Variants in LINGO2 observed in about 807,000 individuals in gnomAD.
The protein encoded by LINGO2 is leucine-rich repeat and immunoglobulin-like domain-containing nogo receptor-interacting protein 2.
A neutral mutation model predicts 30.6 loss-of-function variants in LINGO2; 14 were observed. The ratio of observed to expected loss-of-function variants is 0.46; its 90% CI spans 0.30 to 0.72. The LOEUF (loss-of-function observed/expected upper bound fraction) is 0.72. Ranked by LOEUF, LINGO2 falls within the 30% of genes least tolerant of loss-of-function variation. The pLI is 0.07. For synonymous variants in LINGO2, 317 were observed against 288.5 expected, an observed-to-expected ratio of 1.10 and a Z score of -1.00; for missense variants, 729 against 751.7, an observed-to-expected ratio of 0.97 and a Z score of 0.35.
At position 28,038,360 on chromosome 9, in the gene LINGO2, A is replaced by G. The variant is rs911621926; in HGVS notation, c.-86-25955T>C. ...TTGGGAACATATATTATACAACATT[A>G]TAGAGACGTGCACCTGCTCATATTC... On this transcript the variant is annotated intron_variant, in intron 4 of 5. Transcript: ENST00000379992. Among the ~76,000 whole-genome samples the G allele has an allele frequency of 3.3e-5, 5 of 152,206 alleles. 1 individual carries two copies. The East Asian group carries it at 9.6e-4, about 29-fold the overall frequency.
chr9:28,327,076 G>T (rs536548457), intron 3 of LINGO2, among the ~76,000 whole-genome samples: 1 of 152,234 alleles, frequency 6.6e-6, no homozygotes, highest in Non-Finnish European at 1.5e-5. Context: ...TCATGAATGG[G>T]ATTAGTACCA....
chr9:28,903,810 A>T, the LINGO2 span, among the ~76,000 whole-genome samples: 1 of 152,096 alleles, frequency 6.6e-6, no homozygotes, highest in Non-Finnish European at 1.5e-5. Context: ...AATAATACCA[A>T]TCCTTCTCCA....
At chr9:28,836,905 A>G in the LINGO2 span, among the ~76,000 whole-genome samples, 1 of 152,222 alleles carries the variant, frequency 6.6e-6, no homozygotes, top group African/African-American at 2.4e-5. Context: ...TTGCAATTCT[A>G]TTTAATATGC....
At chr9:29,057,714 G>A in the LINGO2 span, among the ~76,000 whole-genome samples, 2 of 152,192 alleles carry the variant, frequency 1.3e-5, no homozygotes, top group African/African-American at 2.4e-5. Flanking sequence ...ATACTTAATT[G>A]AGCATGCATC....
At chr9:28,505,851 A>G (rs1424551340) in intron 1 of LINGO2, among the ~76,000 whole-genome samples, 2 of 151,834 alleles carry the variant, frequency 1.3e-5, no homozygotes, top group African/African-American at 4.8e-5. Context: ...GGGGAGTGGG[A>G]GTCATGTGTT....
chr9:28,700,853 A>T, the LINGO2 span, among the ~76,000 whole-genome samples: 1 of 152,064 alleles, frequency 6.6e-6, no homozygotes, highest in Non-Finnish European at 1.5e-5. Context: ...TCTAATAGGT[A>T]TGTAGTGGTA....
At chr9:28,684,159 G>A in the LINGO2 span, among the ~76,000 whole-genome samples, 2 of 109,238 alleles carry the variant, frequency 1.8e-5, no homozygotes, top group African/African-American at 3.1e-5. Context: ...TTTAGACCAG[G>A]TTTTAAAATG....
chr9:29,038,530 T>C, the LINGO2 span, among the ~76,000 whole-genome samples: 1 of 152,032 alleles, frequency 6.6e-6, no homozygotes, highest in Non-Finnish European at 1.5e-5. Flanking sequence ...TAACAGAATT[T>C]GCTGATATAG....
At chr9:28,962,291 A>G in the LINGO2 span, among the ~76,000 whole-genome samples, 1 of 152,130 alleles carries the variant, frequency 6.6e-6, no homozygotes, top group Non-Finnish European at 1.5e-5. Flanking sequence ...ACAGTTTACT[A>G]AAAAGGGAAC....
At chr9:28,635,696 CA>C (rs1827229244) in intron 1 of LINGO2, among the ~76,000 whole-genome samples, 1 of 151,870 alleles carries the variant, frequency 6.6e-6, no homozygotes, top group South Asian at 2.1e-4. Flanking sequence ...AATATTATGA[CA>C]AAAAATTATT....
At chr9:28,610,573 C>T (rs1825873121) in intron 1 of LINGO2, among the ~76,000 whole-genome samples, 1 of 152,166 alleles carries the variant, frequency 6.6e-6, no homozygotes, top group Admixed American at 6.6e-5. Context: ...CCTTCCACTA[C>T]CTGTGAACAC....
intron 4 of LINGO2, among the ~76,000 whole-genome samples, chr9:28,237,760 C>T (rs956551774): frequency 6.6e-6 from 1 of 151,968 alleles, no homozygotes; most frequent in African/African-American, 2.4e-5. Flanking sequence ...GAGGTTGAAG[C>T]AGAGAATTGC....
intron 1 of LINGO2, among the ~76,000 whole-genome samples, chr9:28,612,313 T>C (rs937248122): frequency 7.9e-5 from 12 of 152,148 alleles, no homozygotes; most frequent in African/African-American, 2.7e-4. Context: ...TCGTCCCACC[T>C]CAGCATCCCA....
intron 1 of LINGO2, among the ~76,000 whole-genome samples, chr9:28,560,329 T>G (rs1822980924): frequency 6.6e-6 from 1 of 152,112 alleles, no homozygotes. Context: ...GTGCCTCATC[T>G]AATCAGTTGA....
Position 28,611,852 on chromosome 9 carries a change from G to A in LINGO2, c.-365+58348C>T, listed in dbSNP as rs528558862. ...TTATTTTTTTTTGAGACAGAGTCAC[G>A]CTCTGTCGCCCAGGCTGGAGTGCAG... On this transcript the variant is annotated intron_variant, in intron 1 of 5. Transcript: ENST00000379992. 6.6e-5 allele frequency among the ~76,000 whole-genome samples: 10 copies of A among 150,890 alleles called. 1 individual carries two copies. The South Asian group carries it at 2.1e-3, about 32-fold the overall frequency.
At chr9:28,708,805 G>A in the LINGO2 span, among the ~76,000 whole-genome samples, 43 of 100,196 alleles carry the variant, frequency 4.3e-4, 1 homozygote, top group African/African-American at 2.2e-3. Context: ...ATTATTGTCT[G>A]TCTATCTATC....
the LINGO2 span, among the ~76,000 whole-genome samples, chr9:29,088,146 G>T: frequency 6.6e-6 from 1 of 152,078 alleles, no homozygotes; most frequent in African/African-American, 2.4e-5. Context: ...TCATAGTAAA[G>T]TTGAATAATG....
At position 28,292,596 on chromosome 9, in the gene LINGO2, G is replaced by A. The variant is rs576165267; in HGVS notation, c.-87+2612C>T. Among the ~76,000 whole-genome samples the A allele has an allele frequency of 4.6e-5, 7 of 151,986 alleles. No homozygotes were observed. The East Asian group carries it at 1.4e-3, about 30-fold the overall frequency. On this transcript the variant is annotated intron_variant, in intron 4 of 5. Coordinates refer to ENST00000379992, the Ensembl canonical transcript of LINGO2. The stretch of plus-strand genomic sequence containing the variant: ...TCCTGCCTCAGCCTACTGAGTAGCT[G>A]GGATTACAGGTGTCTGCTACCATGC...
rs16913290 is a variant in LINGO2 at position 28,526,113 on chromosome 9, A to G, written c.-364-50088T>C. 9.1e-3 allele frequency among the ~76,000 whole-genome samples: 1,361 copies of G among 150,040 alleles called. 40 individuals are homozygous for G. In the East Asian group the frequency reaches 0.1, roughly 12 times the overall value. On this transcript the variant is annotated intron_variant, in intron 1 of 5. Coordinates refer to ENST00000379992, the Ensembl canonical transcript of LINGO2. ...ACCCACCTTATACTGGTGAACTTGT[A>G]TGGAAATTACACCTCAATAAGGACA... is the stretch of plus-strand genomic sequence containing the variant.
Sources: allele counts gnomAD v4.1 joint callset (sites outside exome capture counted in the v4.1 genomes callset), GRCh38; gene constraint gnomAD v4.1.1; transcripts MANE v1.5; gene names NCBI Gene and HGNC (gene_info 2026-07-23, HGNC 2026-07-21).